PAK1: variants seen among roughly 807,000 people sequenced by gnomAD.
The protein encoded by PAK1 is p21 (RAC1) activated kinase 1, also known as serine/threonine-protein kinase PAK 1.
Under a neutral mutation model 67.4 loss-of-function variants are expected in PAK1, and 29 were observed. The observed-to-expected ratio is 0.43, with a 90% confidence interval of 0.32 to 0.59. The LOEUF (loss-of-function observed/expected upper bound fraction) is 0.59, where lower values mean the gene tolerates loss of function less well. Among genes scored for constraint, PAK1 ranks in the 20% least tolerant of loss-of-function variants. PAK1 has a pLI of 0.07. For missense variants in PAK1, 337 were observed against 670.7 expected, an observed-to-expected ratio of 0.50 and a Z score of 5.50; for synonymous variants, 223 against 237.4, an observed-to-expected ratio of 0.94 and a Z score of 0.56.
At position 77,334,593 on chromosome 11, in the gene PAK1, T is replaced by C. The variant is rs192231127; in HGVS notation, c.1413+1493A>G. Among the ~76,000 whole-genome samples the C allele has an allele frequency of 6.7e-4, 102 of 152,340 alleles. 1 individual carries two copies. The highest frequency in any genetic ancestry group is 2.4e-3 in the African/African-American group (98 of 41,568). On this transcript the variant is annotated intron_variant, in intron 13 of 14. Coordinates refer to ENST00000356341, the MANE Select transcript of PAK1 (RefSeq NM_002576.5). ...GAGATGCTCTGTTACAAGGGATAAATTGTCCATGCTAATCTAATGTCCTTT... is the reference window on the plus strand; with the variant it reads ...GAGATGCTCTGTTACAAGGGATAAACTGTCCATGCTAATCTAATGTCCTTT...
intron 1 of PAK1, among the ~76,000 whole-genome samples, chr11:77,396,176 C>T (rs1951806689): frequency 6.6e-6 from 1 of 152,194 alleles, no homozygotes. Context: ...TGTGATAGAT[C>T]TTCACTTTCA....
At chr11:77,379,522 A>T in intron 3 of PAK1, 134 bp from the exon 4 acceptor site, 1 of 754,210 alleles carries the variant, frequency 1.3e-6, no homozygotes. Flanking sequence ...CTATACTCTC[A>T]GAGTTTACAC....
chr11:77,349,218 C>T (rs759699878), intron 9 of PAK1, 21 bp downstream of exon 9: 1 of 1,560,816 alleles, frequency 6.4e-7, no homozygotes, highest in Admixed American at 1.8e-5. Flanking sequence ...AAAGGAGCAA[C>T]AGTGGGTGGT....
chr11:77,393,509 C>G (rs1013127531), intron 1 of PAK1, among the ~76,000 whole-genome samples: 1 of 152,078 alleles, frequency 6.6e-6, no homozygotes, highest in South Asian at 2.1e-4. Context: ...GTTGCCCAGG[C>G]TGGTCTCAAA....
chr11:77,524,460 AC>A, the PAK1 span, among the ~76,000 whole-genome samples: 2 of 152,166 alleles, frequency 1.3e-5, no homozygotes, highest in South Asian at 4.1e-4. Context: ...CCCTACCTGG[AC>A]CGCCTTTCTC....
chr11:77,396,783 G>A (rs674652), intron 1 of PAK1, among the ~76,000 whole-genome samples: 105,354 of 152,012 alleles, frequency 0.69, 37,216 homozygotes, highest in African/African-American at 0.83. Flanking sequence ...TTCTGAACTT[G>A]CTTAAGGTTT....
intron 2 of PAK1, among the ~76,000 whole-genome samples, chr11:77,390,286 G>A (rs971754039): frequency 6.6e-6 from 1 of 151,948 alleles, no homozygotes; most frequent in African/African-American, 2.4e-5. Context: ...TGCAACCTCC[G>A]CCTCCCGGGT....
intron 1 of PAK1, among the ~76,000 whole-genome samples, chr11:77,405,670 G>C (rs112277751): frequency 4.0e-5 from 5 of 125,660 alleles, no homozygotes; most frequent in African/African-American, 1.6e-4. Context: ...CAGACAGACA[G>C]ACAGACACAC....
rs1194583450 is a variant in PAK1 at position 77,434,962 on chromosome 11, T to C, written c.-22+38590A>G. ...TTTTTTTGTAGAGACAGGGTTTCCC[T>C]ATGTTGCCCAGTCTAGTTCCCAAAC... On this transcript the variant is annotated intron_variant, in intron 1 of 14. Coordinates refer to ENST00000356341, the MANE Select transcript of PAK1 (RefSeq NM_002576.5). Among the ~76,000 whole-genome samples the C allele has an allele frequency of 2.0e-5, 3 of 151,730 alleles. No homozygotes were observed. The East Asian group carries it at 5.8e-4, about 29-fold the overall frequency.
At chr11:77,388,589 G>A (rs1222808344) in intron 2 of PAK1, among the ~76,000 whole-genome samples, 27 of 152,276 alleles carry the variant, frequency 1.8e-4, no homozygotes, top group Admixed American at 1.2e-3. Flanking sequence ...TCCTGACCTC[G>A]TGATCCACCC....
intron 1 of PAK1, among the ~76,000 whole-genome samples, chr11:77,435,637 G>T (rs1956090269): frequency 6.9e-6 from 1 of 144,604 alleles, no homozygotes; most frequent in Non-Finnish European, 1.5e-5. Context: ...GGGACTACAG[G>T]CGCCCGCCAC....
intron 2 of PAK1, among the ~76,000 whole-genome samples, chr11:77,388,290 T>C (rs1950698435): frequency 6.6e-6 from 1 of 152,238 alleles, no homozygotes; most frequent in Non-Finnish European, 1.5e-5. Context: ...TTCACCTATA[T>C]AGACAAGCCT....
intron 1 of PAK1, among the ~76,000 whole-genome samples, chr11:77,439,597 C>T (rs1458486973): frequency 6.6e-6 from 1 of 152,138 alleles, no homozygotes; most frequent in African/African-American, 2.4e-5. Context: ...TAACCCTTAG[C>T]AGACTTCTAG....
At chr11:77,477,996 A>C (rs1344069922), upstream of PAK1, among the ~76,000 whole-genome samples, 1 of 152,198 alleles carries the variant, frequency 6.6e-6, no homozygotes, top group Non-Finnish European at 1.5e-5. Flanking sequence ...AGCCTATCCC[A>C]GCAGCTAAAG....
intron 1 of PAK1, among the ~76,000 whole-genome samples, chr11:77,461,766 T>C (rs1041033950): frequency 7.2e-5 from 11 of 152,232 alleles, no homozygotes; most frequent in African/African-American, 2.4e-4. Flanking sequence ...CCTGTTATTT[T>C]TAATGGAACA....
At chr11:77,519,595 C>A in the PAK1 span, among the ~76,000 whole-genome samples, 1 of 152,166 alleles carries the variant, frequency 6.6e-6, no homozygotes, top group Non-Finnish European at 1.5e-5. Context: ...TAATCTAATT[C>A]TTTCATCCCT....
At chr11:77,412,789 AC>A (rs1954700252) in intron 1 of PAK1, among the ~76,000 whole-genome samples, 1 of 152,202 alleles carries the variant, frequency 6.6e-6, no homozygotes, top group Non-Finnish European at 1.5e-5. Flanking sequence ...CTCTCTCAAA[AC>A]AACCTTATGA....
chr11:77,350,805 T>A (rs1209053053), intron 8 of PAK1, among the ~76,000 whole-genome samples: 1 of 152,148 alleles, frequency 6.6e-6, no homozygotes, highest in Admixed American at 6.5e-5. Context: ...AAAATAAGGA[T>A]TGGATGACTT....
chr11:77,508,951 C>T, the PAK1 span, among the ~76,000 whole-genome samples: 1 of 144,978 alleles, frequency 6.9e-6, no homozygotes, highest in Non-Finnish European at 1.5e-5. Context: ...TGAGCCACCG[C>T]GCCCGGCCCA....
Sources: allele counts gnomAD v4.1 joint callset (sites outside exome capture counted in the v4.1 genomes callset), GRCh38; gene constraint gnomAD v4.1.1; transcripts MANE v1.5; gene names NCBI Gene and HGNC (gene_info 2026-07-23, HGNC 2026-07-21).